The following ABCA13 variants were observed in gnomAD, a reference collection of about 807,000 sequenced individuals.
ABCA13 encodes the protein ATP binding cassette subfamily A member 13, also known as ATP-binding cassette sub-family A member 13.
ABCA13 carries 476 observed loss-of-function variants against 478.7 expected under a neutral mutation model. The observed-to-expected ratio is 0.99, with a 90% CI of 0.92 to 1.07. ABCA13 has a LOEUF of 1.07. ABCA13 is among the 50% of genes least tolerant of loss of function. ABCA13 has a pLI of 0.00. For synonymous variants in ABCA13, 2,252 were observed against 2,158.9 expected (o/e 1.04, Z -1.20); for missense variants, 6,060 against 5,910.6 (o/e 1.03, Z -0.83).
chr7:48,482,226 C>T (rs930300148), intron 46 of ABCA13, among the ~76,000 whole-genome samples: 52 of 152,020 alleles, frequency 3.4e-4, no homozygotes, highest in African/African-American at 1.3e-3. Flanking sequence ...GATGGAAATA[C>T]AGGGTATTGT....
At chr7:48,436,355 A>G (rs575991219) in intron 42 of ABCA13, among the ~76,000 whole-genome samples, 11 of 151,788 alleles carry the variant, frequency 7.2e-5, no homozygotes, top group African/African-American at 2.6e-4. Context: ...GTTTCCGTAA[A>G]ATTGGCAGTA....
At chr7:48,491,860 A>T (rs774638462) in intron 48 of ABCA13, among the ~76,000 whole-genome samples, 2 of 152,198 alleles carry the variant, frequency 1.3e-5, no homozygotes, top group East Asian at 3.9e-4. Flanking sequence ...CCTTGCCCCA[A>T]TGTGGAACTT....
At chr7:48,522,906 C>T (rs1832653182) in intron 53 of ABCA13, among the ~76,000 whole-genome samples, 1 of 150,538 alleles carries the variant, frequency 6.6e-6, no homozygotes, top group South Asian at 2.1e-4. Flanking sequence ...AGTGGCACAA[C>T]TTCCTGTTGG....
intron 28 of ABCA13, among the ~76,000 whole-genome samples, chr7:48,338,077 G>C (rs1202566781): frequency 6.6e-6 from 1 of 152,180 alleles, no homozygotes; most frequent in South Asian, 2.1e-4. Context: ...AGGTTCGTTT[G>C]AAAATTTTGC....
At chr7:48,530,501 TA>T (rs1356181245) in intron 55 of ABCA13, among the ~76,000 whole-genome samples, 2 of 152,146 alleles carry the variant, frequency 1.3e-5, no homozygotes, top group African/African-American at 4.8e-5. Flanking sequence ...TTTGGGTAGA[TA>T]CCTAGTAGTG....
chr7:48,601,834 C>A (rs1790922406), intron 58 of ABCA13, among the ~76,000 whole-genome samples: 1 of 152,214 alleles, frequency 6.6e-6, no homozygotes, highest in African/African-American at 2.4e-5. Context: ...TTTACACTCC[C>A]ACCCACAGTG....
chr7:48,456,392 C>T (rs1563287796), intron 43 of ABCA13, among the ~76,000 whole-genome samples: 1 of 152,174 alleles, frequency 6.6e-6, no homozygotes, highest in Non-Finnish European at 1.5e-5. Context: ...TCACACTCCT[C>T]AACTATAAAA....
intron 55 of ABCA13, among the ~76,000 whole-genome samples, chr7:48,528,889 G>A (rs993195084): frequency 5.3e-5 from 8 of 152,096 alleles, no homozygotes; most frequent in Non-Finnish European, 8.8e-5. Context: ...TGAGGTCCCT[G>A]GGCACCCTGC....
At position 48,416,747 on chromosome 7, in the gene ABCA13, T is replaced by C. The variant is rs374936849; in HGVS notation, c.12459+4164T>C. On this transcript the variant is annotated intron_variant, in intron 41 of 61. Transcript: ENST00000435803. The stretch of plus-strand genomic sequence containing the variant: ...TCTTGGGGTTTAGAGGCTGCACCTT[T>C]TGCTTCCTCACCCTCCAGGTCCAGC... Among the ~76,000 whole-genome samples the C allele has an allele frequency of 2.1e-3, 315 of 152,030 alleles. 5 individuals are homozygous for C. In the South Asian group the frequency reaches 0.025, roughly 12 times the overall value.
chr7:48,545,620 C>CTT (rs1428827960), intron 55 of ABCA13, among the ~76,000 whole-genome samples: 2 of 151,078 alleles, frequency 1.3e-5, no homozygotes, highest in Admixed American at 1.3e-4. Context: ...ACACACAAGA[C>CTT]AACTATCTAC....
At chr7:48,211,955 T>G (rs73694370) in intron 3 of ABCA13, among the ~76,000 whole-genome samples, 128,701 of 151,808 alleles carry the variant, frequency 0.85, 55,115 homozygotes, top group Non-Finnish European at 0.92. Flanking sequence ...GGCTACTACA[T>G]CTGGTATTGC....
chr7:48,372,338 G>A lies in ABCA13; in HGVS notation c.10974G>A (p.Gly3658=), dbSNP rs764847241. The A allele has an allele frequency of 2.5e-6, 4 of 1,613,722 alleles. No homozygotes were observed. The highest frequency in any genetic ancestry group is 3.4e-6 in the Non-Finnish European group (4 of 1,179,838). The part of the protein sequence containing the change: ...FIVFLFLLDF[G]MSVVMLSYLL... Reference sequence around the variant, plus strand: ...TTTTCCTCTTTCTCTTGGATTTTGGGATGTCAGTCGTCATGCTGAGCTACC... The same window carrying A: ...TTTTCCTCTTTCTCTTGGATTTTGGAATGTCAGTCGTCATGCTGAGCTACC... Residue 3658 remains glycine, a synonymous_variant, in exon 33 of 62, where the codon GGG becomes GGA. Coordinates refer to ENST00000435803, the MANE Select transcript of ABCA13 (RefSeq NM_152701.5).
intron 1 of ABCA13, among the ~76,000 whole-genome samples, chr7:48,172,643 A>C (rs1477496178): frequency 6.6e-6 from 1 of 151,218 alleles, no homozygotes; most frequent in African/African-American, 2.4e-5. Context: ...AAAAAACACA[A>C]AAAAATTAGC....
intron 42 of ABCA13, among the ~76,000 whole-genome samples, chr7:48,450,972 C>CTTT (rs11423408): frequency 2.1e-5 from 3 of 139,690 alleles, no homozygotes; most frequent in African/African-American, 8.0e-5. Context: ...TTATTATATT[C>CTTT]TTTTTTTTTT....
At chr7:48,512,686 C>T (rs1214839953) in intron 51 of ABCA13, among the ~76,000 whole-genome samples, 2 of 152,110 alleles carry the variant, frequency 1.3e-5, no homozygotes, top group African/African-American at 4.8e-5. Flanking sequence ...CTTGAAAACA[C>T]GCTTTTAGAA....
intron 43 of ABCA13, among the ~76,000 whole-genome samples, chr7:48,464,365 A>G (rs750384001): frequency 6.6e-6 from 1 of 152,324 alleles, no homozygotes; most frequent in East Asian, 1.9e-4. Flanking sequence ...AATTTCAGCA[A>G]GTTCCATCAT....
intron 55 of ABCA13, among the ~76,000 whole-genome samples, chr7:48,576,146 G>A (rs1474220034): frequency 6.6e-6 from 1 of 152,242 alleles, no homozygotes; most frequent in Admixed American, 6.5e-5. Context: ...TTTATATAAA[G>A]GACTTGAGCA....
At chr7:48,191,158 T>C (rs1022017212) in intron 1 of ABCA13, among the ~76,000 whole-genome samples, 1 of 152,196 alleles carries the variant, frequency 6.6e-6, no homozygotes, top group Non-Finnish European at 1.5e-5. Context: ...CTCCAGTAAC[T>C]TATTAATTTA....
intron 15 of ABCA13, among the ~76,000 whole-genome samples, chr7:48,256,957 A>T (rs1793488247): frequency 6.6e-6 from 1 of 152,114 alleles, no homozygotes; most frequent in Non-Finnish European, 1.5e-5. Context: ...ATGTTTTTCC[A>T]TTTGTTTGTA....
Sources: gnomAD v4.1 joint callset for allele counts (sites outside exome capture counted in the v4.1 genomes callset) on GRCh38, gnomAD v4.1.1 for gene constraint, MANE v1.5 for transcripts, NCBI Gene and HGNC (gene_info 2026-07-23, HGNC 2026-07-21) for gene names.